NBEA: variants seen among roughly 807,000 people sequenced by gnomAD.
NBEA encodes the protein neurobeachin.
Under a neutral mutation model 343.4 loss-of-function variants are expected in NBEA, and 44 were observed. That is an observed-to-expected ratio of 0.13 (90% CI 0.10 to 0.16). The LOEUF (loss-of-function observed/expected upper bound fraction) is 0.16. Ranked by LOEUF, NBEA falls within the 10% of genes least tolerant of loss-of-function variation. NBEA has a pLI of 1.00. For synonymous variants in NBEA, 1,175 were observed against 1,238.7 expected, an observed-to-expected ratio of 0.95 and a Z score of 1.08; for missense variants, 2,555 against 3,631.3, an observed-to-expected ratio of 0.70 and a Z score of 7.62.
intron 16 of NBEA, among the ~76,000 whole-genome samples, chr13:35,123,014 G>T (rs537092338): frequency 5.0e-4 from 76 of 152,250 alleles, no homozygotes; most frequent in African/African-American, 1.8e-3. Context: ...ACAGGGTTAG[G>T]GTGCAGGTGG....
At chr13:35,298,284 A>G (rs145726424) in intron 35 of NBEA, among the ~76,000 whole-genome samples, 1 of 147,026 alleles carries the variant, frequency 6.8e-6, no homozygotes, top group Non-Finnish European at 1.5e-5. Flanking sequence ...ATGTAGTCCA[A>G]AAGTACAAGA....
intron 49 of NBEA, among the ~76,000 whole-genome samples, chr13:35,643,105 C>CT (rs1372080334): frequency 9.4e-5 from 14 of 148,534 alleles, no homozygotes; most frequent in Non-Finnish European, 1.5e-5. Flanking sequence ...TTTTTTTTAA[C>CT]TTGATATATT....
At chr13:35,324,578 C>A (rs2038408034) in intron 36 of NBEA, among the ~76,000 whole-genome samples, 1 of 151,912 alleles carries the variant, frequency 6.6e-6, no homozygotes, top group Non-Finnish European at 1.5e-5. Flanking sequence ...AAAACAAAAC[C>A]TGAATAAATA....
intron 30 of NBEA, among the ~76,000 whole-genome samples, chr13:35,190,375 C>A (rs1345511722): frequency 6.6e-6 from 1 of 152,114 alleles, no homozygotes; most frequent in Non-Finnish European, 1.5e-5. Context: ...CTCAGTCTCT[C>A]ACCTTTGGCT....
At chr13:35,436,922 T>C (rs904051524) in intron 39 of NBEA, among the ~76,000 whole-genome samples, 5 of 152,200 alleles carry the variant, frequency 3.3e-5, no homozygotes, top group African/African-American at 4.8e-5. Context: ...ACATGTTGTC[T>C]ACACTGGGAG....
At position 35,349,831 on chromosome 13, in the gene NBEA, A is replaced by T. The variant is rs2040086203; in HGVS notation, c.6012+615A>T. Among the ~76,000 whole-genome samples, 3 of 152,130 alleles carry T rather than the reference A, an allele frequency of 2.0e-5. No individual in the cohort carries two copies. The South Asian group carries it at 6.2e-4, about 31-fold the overall frequency. Reference sequence around the variant, plus strand: ...CTAGTTTTGATGAGGTTTTTATCTCAGTAAAGCAGCTCTGTGAGTCATACA... The same window carrying T: ...CTAGTTTTGATGAGGTTTTTATCTCTGTAAAGCAGCTCTGTGAGTCATACA... On this transcript the variant is annotated intron_variant, in intron 37 of 58. Transcript: ENST00000379939.
rs541360064 is a variant in NBEA, at chr13:35,266,478, A to G, written c.5777-23911A>G. ...GATTAATGGATAAAGAAAATACGCT[A>G]TATATACACAGTGGAATACTATTCA... On this transcript the variant is annotated intron_variant, in intron 34 of 58. Coordinates refer to ENST00000379939, the MANE Select transcript of NBEA (RefSeq NM_001385012.1). 2.0e-4 allele frequency among the ~76,000 whole-genome samples: 31 copies of G among 152,036 alleles called. No individual in the cohort carries two copies. The East Asian group carries it at 2.3e-3, about 11-fold the overall frequency.
chr13:35,392,453 C>T (rs1182727820), intron 38 of NBEA, among the ~76,000 whole-genome samples: 1 of 150,382 alleles, frequency 6.6e-6, no homozygotes, highest in Non-Finnish European at 1.5e-5. Context: ...TAACTTGAGC[C>T]AGTATGTGTG....
Position 35,037,639 on chromosome 13 carries a change from C to A in NBEA, c.295-3294C>A, listed in dbSNP as rs147227967. Among the ~76,000 whole-genome samples the A allele has an allele frequency of 2.2e-3, 337 of 152,260 alleles. 4 individuals are homozygous for A. The highest frequency in any genetic ancestry group is 7.9e-3 in the African/African-American group (329 of 41,562). On this transcript the variant is annotated intron_variant, in intron 1 of 58. Transcript: ENST00000379939. The stretch of plus-strand genomic sequence containing the variant: ...GATCTGGGATAATTCTCTAGATTAC[C>A]AGGCAGAATCTCTTGTTCTCTTTCC...
intron 10 of NBEA, among the ~76,000 whole-genome samples, chr13:35,073,354 A>C (rs541425814): frequency 2.5e-4 from 38 of 152,326 alleles, no homozygotes; most frequent in Non-Finnish European, 4.6e-4. Context: ...GAGAAAATTT[A>C]ATATACTCCT....
At chr13:35,218,277 C>T (rs1387623019) in intron 33 of NBEA, among the ~76,000 whole-genome samples, 1 of 151,954 alleles carries the variant, frequency 6.6e-6, no homozygotes, top group Non-Finnish European at 1.5e-5. Flanking sequence ...ATTTTATATT[C>T]TTATCATGTT....
intron 17 of NBEA, among the ~76,000 whole-genome samples, chr13:35,124,801 GAT>G (rs1200397786): frequency 6.7e-6 from 1 of 149,886 alleles, no homozygotes; most frequent in Non-Finnish European, 1.5e-5. Flanking sequence ...CACATATATG[GAT>G]ATATATACAC....
At chr13:35,656,150 A>G (rs916222823) in intron 55 of NBEA, among the ~76,000 whole-genome samples, 2 of 152,246 alleles carry the variant, frequency 1.3e-5, no homozygotes, top group African/African-American at 4.8e-5. Context: ...ACTAACTGCT[A>G]TCTACCATAT....
At chr13:35,041,213 T>C in intron 2 of NBEA, 49 bp downstream of exon 2, 1 of 1,379,952 alleles carries the variant, frequency 7.2e-7, no homozygotes, top group Non-Finnish European at 1.0e-6. Flanking sequence ...TTATAAAGTT[T>C]CACATACTTC....
chr13:35,203,038 C>A (rs2073129145), intron 31 of NBEA, among the ~76,000 whole-genome samples: 1 of 152,154 alleles, frequency 6.6e-6, no homozygotes, highest in Non-Finnish European at 1.5e-5. Context: ...ACCATCATTT[C>A]TTGTTTGTAG....
In NBEA at chr13:35,472,586, G is replaced by A. The variant is rs746404742; in HGVS notation, c.6585+50G>A. 9.9e-6 allele frequency: 16 copies of A among 1,611,638 alleles called. No homozygotes were observed. The Admixed American group carries it at 1.8e-4, about 19-fold the overall frequency. On this transcript the variant is annotated intron_variant, in intron 41 of 58. Transcript: ENST00000379939. ...AGTATTGGTGGCTTTGTGGCAGGAA[G>A]TGGTTTTCAATTTTGTTTGGTTTTA...
chr13:35,486,746 C>G (rs1478348933), intron 41 of NBEA, among the ~76,000 whole-genome samples: 1 of 151,874 alleles, frequency 6.6e-6, no homozygotes, highest in African/African-American at 2.4e-5. Context: ...AAGATAGGTT[C>G]TTTATAGGAT....
intron 1 of NBEA, among the ~76,000 whole-genome samples, chr13:35,016,856 G>A (rs180937075): frequency 2.0e-5 from 3 of 152,264 alleles, no homozygotes; most frequent in Admixed American, 6.5e-5. Flanking sequence ...GGAACAGTGA[G>A]CAAAAGGCCT....
chr13:35,304,331 CTGTGTG>C (rs375468846), intron 35 of NBEA, among the ~76,000 whole-genome samples: 26 of 148,898 alleles, frequency 1.7e-4, no homozygotes, highest in African/African-American at 5.4e-4. Flanking sequence ...AAGCAATTCT[CTGTGTG>C]TGTGTGTGTG....
Sources: gnomAD v4.1 joint callset for allele counts (sites outside exome capture counted in the v4.1 genomes callset) on GRCh38, gnomAD v4.1.1 for gene constraint, MANE v1.5 for transcripts, NCBI Gene and HGNC (gene_info 2026-07-23, HGNC 2026-07-21) for gene names.